GRAMD1B: variants seen among roughly 807,000 people sequenced by gnomAD.
GRAMD1B encodes GRAM domain containing 1B, also known as protein Aster-B.
Under a neutral mutation model 99.7 loss-of-function variants are expected in GRAMD1B, and 37 were observed. The ratio of observed to expected loss-of-function variants is 0.37; its 90% CI spans 0.29 to 0.49. GRAMD1B has a LOEUF of 0.49. Ranked by LOEUF, GRAMD1B falls within the 20% of genes least tolerant of loss-of-function variation. GRAMD1B has a pLI of 0.98. For missense variants in GRAMD1B, 888 were observed against 1,009.2 expected (o/e 0.88, Z 1.63); for synonymous variants, 427 against 387.6 (o/e 1.10, Z -1.19).
intron 2 of GRAMD1B, among the ~76,000 whole-genome samples, chr11:123,515,785 T>G (rs1941614467): frequency 6.6e-6 from 1 of 152,112 alleles, no homozygotes; most frequent in African/African-American, 2.4e-5. Flanking sequence ...TTTTTTTTTT[T>G]GAGGCAGAGT....
chr11:123,602,876 T>G (rs1952158334), intron 8 of GRAMD1B, among the ~76,000 whole-genome samples: 1 of 152,200 alleles, frequency 6.6e-6, no homozygotes, highest in Non-Finnish European at 1.5e-5. Context: ...AACGTAAGAC[T>G]CTACCCATAG....
intron 1 of GRAMD1B, among the ~76,000 whole-genome samples, chr11:123,409,433 A>T (rs1947964055): frequency 2.6e-5 from 4 of 152,194 alleles, no homozygotes. Context: ...GATCTCTAAA[A>T]TGCCCCACTC....
intron 2 of GRAMD1B, among the ~76,000 whole-genome samples, chr11:123,481,860 C>A (rs61374586): frequency 6.6e-6 from 1 of 152,086 alleles, no homozygotes; most frequent in African/African-American, 2.4e-5. Flanking sequence ...GCTGGCCTAC[C>A]GCAGGGGCTC....
intron 1 of GRAMD1B, among the ~76,000 whole-genome samples, chr11:123,409,387 G>A (rs545157194): frequency 3.8e-4 from 58 of 152,276 alleles, no homozygotes; most frequent in Admixed American, 3.2e-3. Context: ...AGACGTTGGC[G>A]TTTATGTTGG....
intron 2 of GRAMD1B, among the ~76,000 whole-genome samples, chr11:123,494,875 C>G (rs1187789934): frequency 6.6e-6 from 1 of 152,130 alleles, no homozygotes. Flanking sequence ...GTCCTGCTCT[C>G]TGCTGCATTC....
chr11:123,447,744 A>G (rs181697773), intron 1 of GRAMD1B, among the ~76,000 whole-genome samples: 18 of 152,330 alleles, frequency 1.2e-4, no homozygotes, highest in African/African-American at 4.3e-4. Flanking sequence ...TAGTTTACAA[A>G]AGCAAAGACA....
intron 1 of GRAMD1B, among the ~76,000 whole-genome samples, chr11:123,422,825 T>C (rs1172807368): frequency 2.6e-5 from 4 of 152,230 alleles, no homozygotes; most frequent in Non-Finnish European, 5.9e-5. Context: ...CTGTCTTCTC[T>C]GTGAAATTCT....
At chr11:123,376,517 T>C (rs548457809) in intron 1 of GRAMD1B, among the ~76,000 whole-genome samples, 7 of 152,346 alleles carry the variant, frequency 4.6e-5, no homozygotes, top group African/African-American at 1.7e-4. Flanking sequence ...GTATGGCTTT[T>C]GAATTCTGAT....
intron 15 of GRAMD1B, chr11:123,613,162 GTA>G: frequency 1.8e-6 from 1 of 553,714 alleles, no homozygotes; most frequent in Non-Finnish European, 3.2e-6. Flanking sequence ...GTGACGAGAA[GTA>G]TTTGTAAAAT....
At chr11:123,449,648 C>G (rs970139423) in intron 1 of GRAMD1B, among the ~76,000 whole-genome samples, 3 of 150,280 alleles carry the variant, frequency 2.0e-5, no homozygotes, top group Admixed American at 2.0e-4. Context: ...GATATTGACT[C>G]ACTGCAGCCT....
intron 2 of GRAMD1B, among the ~76,000 whole-genome samples, chr11:123,499,078 T>A (rs1211331559): frequency 6.6e-6 from 1 of 152,180 alleles, no homozygotes; most frequent in Admixed American, 6.5e-5. Context: ...GTGGTATGGT[T>A]TGGTTGTGAC....
upstream of GRAMD1B, among the ~76,000 whole-genome samples, chr11:123,429,212 A>C (rs148325232): frequency 3.3e-5 from 5 of 151,928 alleles, no homozygotes; most frequent in Admixed American, 1.3e-4. The surrounding 1 kb of genome is among the most constrained non-coding windows in gnomAD (Gnocchi z 4.0). Context: ...AAACAAAACA[A>C]AACAGTTACT....
chr11:123,608,535 C>T (rs1191297426), intron 11 of GRAMD1B, 124 bp from the exon 12 acceptor site: 2 of 1,544,084 alleles, frequency 1.3e-6, no homozygotes, highest in South Asian at 1.2e-5. Context: ...GCTCCGTGTC[C>T]TCTCCATACC....
intron 2 of GRAMD1B, among the ~76,000 whole-genome samples, chr11:123,548,955 C>A (rs568642984): frequency 6.6e-6 from 1 of 152,138 alleles, no homozygotes; most frequent in Non-Finnish European, 1.5e-5. Flanking sequence ...AGAGAGAGAG[C>A]GAGCAAGCCT....
At chr11:123,612,685 C>T in intron 14 of GRAMD1B, 76 bp from the exon 15 acceptor site, 2 of 808,554 alleles carry the variant, frequency 2.5e-6, no homozygotes, top group Non-Finnish European at 4.3e-6. Flanking sequence ...CTGGCCTTAA[C>T]TCCGAATTTC....
At chr11:123,607,198 T>C (rs1420864122) in intron 11 of GRAMD1B, among the ~76,000 whole-genome samples, 1 of 152,212 alleles carries the variant, frequency 6.6e-6, no homozygotes. Flanking sequence ...AATGCAATTT[T>C]TGCTGCATGG....
intron 2 of GRAMD1B, among the ~76,000 whole-genome samples, chr11:123,509,310 C>T (rs887866531): frequency 2.0e-5 from 3 of 152,262 alleles, no homozygotes; most frequent in East Asian, 3.9e-4. Flanking sequence ...ATGAAGGAAC[C>T]GACGTCCCTA....
intron 1 of GRAMD1B, among the ~76,000 whole-genome samples, chr11:123,433,139 A>G (rs1053438443): frequency 2.6e-5 from 4 of 150,944 alleles, no homozygotes; most frequent in African/African-American, 7.4e-5. Flanking sequence ...GGGTCACCTG[A>G]GGTGAGGCGG....
At chr11:123,426,059 GGGAGGT>G (rs1948636590), upstream of GRAMD1B, among the ~76,000 whole-genome samples, 3 of 152,228 alleles carry the variant, frequency 2.0e-5, no homozygotes, top group South Asian at 6.2e-4. Context: ...GTGGGTCTCA[GGGAGGT>G]GTTTAGCATC....
Sources: allele counts gnomAD v4.1 joint callset (sites outside exome capture counted in the v4.1 genomes callset), GRCh38; gene constraint gnomAD v4.1.1; non-coding constraint Gnocchi (gnomAD v3.1); transcripts MANE v1.5; gene names NCBI Gene and HGNC (gene_info 2026-07-23, HGNC 2026-07-21).